Variants in DNAAF4 observed in about 807,000 individuals in gnomAD.
DNAAF4 encodes dynein axonemal assembly factor 4.
Under a neutral mutation model 51.8 loss-of-function variants are expected in DNAAF4, and 43 were observed. The observed-to-expected ratio is 0.83, with a 90% confidence interval of 0.65 to 1.07. DNAAF4 has a LOEUF of 1.07. DNAAF4 is among the 50% of genes least tolerant of loss of function. The pLI, the probability that DNAAF4 is intolerant of heterozygous loss-of-function variation, is 0.00. For missense variants in DNAAF4, 581 were observed against 493.0 expected (o/e 1.18, Z -1.69); for synonymous variants, 194 against 165.6 (o/e 1.17, Z -1.32).
intron 3 of DNAAF4, among the ~76,000 whole-genome samples, chr15:55,495,952 C>G (rs766793116): frequency 3.9e-5 from 6 of 152,092 alleles, no homozygotes; most frequent in Non-Finnish European, 7.4e-5. Flanking sequence ...TCAGGCCGGT[C>G]GCGGTGGCTC....
At position 55,498,222 on chromosome 15, in the gene DNAAF4, C is replaced by A; in HGVS notation, c.108G>T (p.Thr36=). Residue 36 remains threonine (T), a synonymous_variant, in exon 2 of 10, where the codon ACG becomes ACT. Transcript: ENST00000321149. The stretch of plus-strand genomic sequence containing the variant: ...GCATTCTTACCTTCAGATAGTTTTC[C>A]GTGCAGAACACGTCCGTGTCTCTGA... ...VCVRDTDVFC[T]ENYLKVNFPP... The A allele has an allele frequency of 1.9e-6, 3 of 1,613,956 alleles. No individual in the cohort carries two copies. The highest frequency in any genetic ancestry group is 1.7e-6 in the Non-Finnish European group (2 of 1,179,924).
chr15:55,450,473 A>G, intron 5 of DNAAF4, 106 bp from the exon 6 acceptor site: 5 of 1,221,314 alleles, frequency 4.1e-6, no homozygotes, highest in Non-Finnish European at 4.5e-6. Context: ...ATCCTAAACA[A>G]ATAAATCAAA....
rs142562356 is a variant in DNAAF4, at chr15:55,480,754, C to T, written c.405+10369G>A. The stretch of plus-strand genomic sequence containing the variant: ...AACGCTTGTCCAAGGAGCTTTCAGA[C>T]GGCTTGGAAGACACTGCCCAAAGTA... On this transcript the variant is annotated intron_variant, in intron 4 of 9. Transcript: ENST00000321149. Among the ~76,000 whole-genome samples, 90 of 152,298 alleles carry T rather than the reference C, an allele frequency of 5.9e-4. 1 individual carries two copies. Among genetic ancestry groups the T allele is most frequent in the Middle Eastern group, 3.4e-3 (1 of 294 alleles).
chr15:55,479,999 G>T (rs1285267799), intron 4 of DNAAF4, among the ~76,000 whole-genome samples: 4 of 152,000 alleles, frequency 2.6e-5, no homozygotes, highest in Admixed American at 6.6e-5. Context: ...GATCTTTGTT[G>T]GACCCTTGTC....
chr15:55,468,622 T>C (rs2058203762), intron 4 of DNAAF4, among the ~76,000 whole-genome samples: 1 of 152,142 alleles, frequency 6.6e-6, no homozygotes. Flanking sequence ...TCTGCCTTTT[T>C]TCACTCTCTG....
chr15:55,441,467 GGTTT>G (rs1282878381), intron 6 of DNAAF4, among the ~76,000 whole-genome samples: 2 of 151,980 alleles, frequency 1.3e-5, no homozygotes, highest in African/African-American at 4.8e-5. Context: ...AAAACATGCA[GGTTT>G]GTTACATATG....
intron 4 of DNAAF4, among the ~76,000 whole-genome samples, chr15:55,474,689 A>G (rs2058311876): frequency 6.6e-6 from 1 of 152,210 alleles, no homozygotes; most frequent in African/African-American, 2.4e-5. Context: ...AATATAAGCA[A>G]GTCATAAGGC....
At chr15:55,447,734 C>T (rs1043799790) in intron 6 of DNAAF4, among the ~76,000 whole-genome samples, 5 of 146,216 alleles carry the variant, frequency 3.4e-5, no homozygotes, top group East Asian at 4.2e-4. Context: ...GCCGAGATCA[C>T]GGCAGTACAG....
intron 4 of DNAAF4, among the ~76,000 whole-genome samples, 192 bp from the exon 5 acceptor site, chr15:55,467,353 G>C (rs2058185410): frequency 6.6e-6 from 1 of 152,178 alleles, no homozygotes; most frequent in South Asian, 2.1e-4. Flanking sequence ...ATTGGTGTTG[G>C]AGTCATGGAA....
chr15:55,418,651 A>G (rs917682876), intron 7 of DNAAF4: 155 of 976,174 alleles, frequency 1.6e-4, no homozygotes, highest in Non-Finnish European at 2.1e-4. Flanking sequence ...TACCTAATAA[A>G]GAAGATAAAA....
chr15:55,480,453 G>T (rs1454887479), intron 4 of DNAAF4, among the ~76,000 whole-genome samples: 1 of 152,054 alleles, frequency 6.6e-6, no homozygotes, highest in African/African-American at 2.4e-5. Context: ...AACAATTTTT[G>T]TCTTGAAAAA....
rs932724667 is a variant in DNAAF4 at position 55,474,232 on chromosome 15, G to A, written c.406-7071C>T. On this transcript the variant is annotated intron_variant, in intron 4 of 9. Transcript: ENST00000321149. ...ACAAACCAAAAGTAAGTTCAGCAAG[G>A]CAGTCACATATAAAATCAACTAGCT... Among the ~76,000 whole-genome samples the A allele has an allele frequency of 3.9e-5, 6 of 152,026 alleles. No individual in the cohort carries two copies. In the South Asian group the frequency reaches 6.2e-4, roughly 16 times the overall value.
chr15:55,426,663 G>A (rs1364207005), downstream of DNAAF4, among the ~76,000 whole-genome samples: 2 of 152,042 alleles, frequency 1.3e-5, no homozygotes, highest in Non-Finnish European at 2.9e-5. Context: ...CAGGTGATCC[G>A]CCCATCTCAG....
intron 1 of DNAAF4, among the ~76,000 whole-genome samples, chr15:55,500,848 C>T (rs2058693256): frequency 6.6e-6 from 1 of 151,588 alleles, no homozygotes; most frequent in African/African-American, 2.4e-5. Flanking sequence ...CAAAATTAGC[C>T]AGGCATGGTG....
At chr15:55,488,228 G>A (rs959723916) in intron 4 of DNAAF4, among the ~76,000 whole-genome samples, 4 of 151,582 alleles carry the variant, frequency 2.6e-5, no homozygotes, top group Non-Finnish European at 5.9e-5. Context: ...ATAAATTTCT[G>A]TTAAACAACA....
intron 7 of DNAAF4, among the ~76,000 whole-genome samples, chr15:55,439,235 G>C (rs2057667871): frequency 6.6e-6 from 1 of 152,094 alleles, no homozygotes. Flanking sequence ...TGAGTAGCTG[G>C]GACTACAGGT....
intron 5 of DNAAF4, among the ~76,000 whole-genome samples, chr15:55,460,511 T>A (rs1248060186): frequency 6.6e-6 from 1 of 152,006 alleles, no homozygotes; most frequent in Non-Finnish European, 1.5e-5. Context: ...CAGTTATTAT[T>A]AGACCTAAGA....
Position 55,467,176 on chromosome 15 carries a change from A to G in DNAAF4, c.406-15T>C. On this transcript the variant is annotated splice_polypyrimidine_tract_variant and intron_variant, in intron 4 of 9. Transcript: ENST00000321149. ...TCTTCTTCAATCTATAACAATTGCA[A>G]TTACCAAATTCTTTAAAATACATAA... 6.7e-7 allele frequency: 1 copy of G among 1,503,182 alleles called. No homozygotes were observed. The allele number at this position is 1,503,182 out of a possible 1,614,324, so 93.1% of individuals were successfully genotyped here.
chr15:55,435,335 GC>G (rs2057590106), intron 7 of DNAAF4, among the ~76,000 whole-genome samples: 2 of 152,136 alleles, frequency 1.3e-5, no homozygotes, highest in Non-Finnish European at 2.9e-5. Flanking sequence ...TCAGGGATGG[GC>G]TAGTGTGACC....
Sources: allele counts gnomAD v4.1 joint callset (sites outside exome capture counted in the v4.1 genomes callset), GRCh38; gene constraint gnomAD v4.1.1; transcripts MANE v1.5; gene names NCBI Gene and HGNC (gene_info 2026-07-23, HGNC 2026-07-21).